The following ADCK5 variants were observed in gnomAD, a reference collection of about 807,000 sequenced individuals.
The protein encoded by ADCK5 is aarF domain containing kinase 5.
ADCK5 carries 43 observed loss-of-function variants against 64.9 expected under a neutral mutation model. The observed-to-expected ratio is 0.66, with a 90% CI of 0.52 to 0.85. The LOEUF (loss-of-function observed/expected upper bound fraction) is 0.85, where lower values mean the gene tolerates loss of function less well. ADCK5 is among the 40% of genes least tolerant of loss of function. ADCK5 has a pLI of 0.00. For missense variants in ADCK5, 760 were observed against 810.5 expected (o/e 0.94, Z 0.76); for synonymous variants, 434 against 342.8 (o/e 1.27, Z -2.94).
intron 2 of ADCK5, among the ~76,000 whole-genome samples, chr8:144,381,465 A>C: frequency 7.7e-6 from 1 of 129,942 alleles, no homozygotes; most frequent in South Asian, 2.6e-4. Context: ...TGCCGCACTC[A>C]GGATTATGGG....
chr8:144,391,339 A>G, intron 6 of ADCK5, 22 bp from the exon 7 acceptor site: 1 of 1,612,652 alleles, frequency 6.2e-7, no homozygotes, highest in Non-Finnish European at 8.5e-7. Context: ...CCAAGTTCTC[A>G]CCACACCCTC....
intron 1 of ADCK5, chr8:144,375,762 T>G (rs1819337651): frequency 1.4e-6 from 1 of 723,846 alleles, no homozygotes; most frequent in Non-Finnish European, 1.7e-6. Flanking sequence ...TAAGAAAGCA[T>G]GAGAGGTTCT....
chr8:144,381,675 G>A (rs1228232218), intron 2 of ADCK5, among the ~76,000 whole-genome samples: 4 of 150,478 alleles, frequency 2.7e-5, no homozygotes, highest in Admixed American at 1.3e-4. Flanking sequence ...GGCACCTCCC[G>A]CAGTCAGAAT....
chr8:144,391,501 G>T, intron 7 of ADCK5, 27 bp downstream of exon 7: 1 of 1,598,534 alleles, frequency 6.3e-7, no homozygotes, highest in Non-Finnish European at 8.5e-7. Context: ...TCCCCGGCCA[G>T]CAGGAGCAAA....
At chr8:144,377,249 TC>T (rs1278330030) in intron 1 of ADCK5, 1 of 152,216 alleles carries the variant, frequency 6.6e-6, no homozygotes, top group Non-Finnish European at 1.5e-5. Context: ...GTGTTTTCTT[TC>T]TTTTTTTTAA....
chr8:144,382,934 C>A, intron 2 of ADCK5, 147 bp from the exon 3 acceptor site: 1 of 1,165,858 alleles, frequency 8.6e-7, no homozygotes, highest in South Asian at 1.5e-5. Context: ...GAAGGGGACG[C>A]TGATGCGGTG....
Position 144,391,648 on chromosome 8 carries a change from G to A in ADCK5, c.867G>A (p.Ala289=), listed in dbSNP as rs144396697. ...AGGGCCGCAACGCAGAGCGCTGTGC[G>A]CGGGAGCTGGCGCACTTCCCCTACG... is the stretch of plus-strand genomic sequence containing the variant. ...ENEGRNAERC[A]RELAHFPYVV... The change falls in exon 8 of 15, where the codon GCG becomes GCA. Residue 289 remains alanine, a synonymous_variant. Coordinates refer to ENST00000308860, the MANE Select transcript of ADCK5 (RefSeq NM_174922.5). 6.5e-6 allele frequency: 10 copies of A among 1,547,886 alleles called. No individual in the cohort carries two copies. Among genetic ancestry groups the A allele is most frequent in the African/African-American group, 2.7e-5 (2 of 73,542 alleles).
chr8:144,393,077 T>C lies in ADCK5; in HGVS notation c.*3T>C. 5 of 1,565,120 alleles carry C rather than the reference T, an allele frequency of 3.2e-6. No individual in the cohort carries two copies. The highest frequency in any genetic ancestry group is 4.3e-6 in the Non-Finnish European group (5 of 1,160,048). ...TCTACCAGTACCTGGAGACCTAGGG[T>C]GCAGCCGCCCAGGGCCGGCGGGGCC... On this transcript the variant is annotated 3_prime_UTR_variant, in exon 15 of 15. Coordinates refer to ENST00000308860, the MANE Select transcript of ADCK5 (RefSeq NM_174922.5).
chr8:144,374,019 C>G (rs1014535148), upstream of ADCK5: 2 of 1,237,168 alleles, frequency 1.6e-6, no homozygotes, highest in South Asian at 8.2e-5. Flanking sequence ...GCGCACTACG[C>G]GCCCTCCCGC....
chr8:144,391,358 C>G lies in ADCK5; in HGVS notation c.685-3C>G. 6.2e-7 allele frequency: 1 copy of G among 1,613,068 alleles called. No homozygotes were observed. Among genetic ancestry groups the G allele is most frequent in the Non-Finnish European group, 8.5e-7 (1 of 1,179,982 alleles). On this transcript the variant is annotated splice_region_variant and splice_polypyrimidine_tract_variant and intron_variant, in intron 6 of 14. Transcript: ENST00000308860. Reference sequence around the variant, plus strand: ...GTTCTCACCACACCCTCGCCCAGTGCAGGTGCAGTACATCGACCTGCGGGA... The same window carrying G: ...GTTCTCACCACACCCTCGCCCAGTGGAGGTGCAGTACATCGACCTGCGGGA...
chr8:144,386,011 TTTTTC>T (rs1819908901), intron 3 of ADCK5, among the ~76,000 whole-genome samples: 1 of 150,178 alleles, frequency 6.7e-6, no homozygotes. Flanking sequence ...CCACCGCCCC[TTTTTC>T]TTTTATTTTT....
In ADCK5 at chr8:144,376,759, G is replaced by A. The variant is rs1269522142; in HGVS notation, c.13-2628G>A. Among the ~76,000 whole-genome samples the A allele has an allele frequency of 2.0e-5, 3 of 152,188 alleles. No individual in the cohort carries two copies. Among genetic ancestry groups the A allele is most frequent in the African/African-American group, 7.2e-5 (3 of 41,432 alleles). On this transcript the variant is annotated intron_variant, in intron 1 of 14. Coordinates refer to ENST00000308860, the MANE Select transcript of ADCK5 (RefSeq NM_174922.5). The surrounding 1 kb of genome is among the most constrained non-coding windows in gnomAD (Gnocchi z 5.1). Reference sequence around the variant, plus strand: ...TCCGTGGGCACGACTGCCTGATCTCGGGGCCTCTAGCCATGCATGCACTGG... The same window carrying A: ...TCCGTGGGCACGACTGCCTGATCTCAGGGCCTCTAGCCATGCATGCACTGG...
chr8:144,385,078 G>T (rs1475359555), intron 3 of ADCK5, among the ~76,000 whole-genome samples: 1 of 152,106 alleles, frequency 6.6e-6, no homozygotes, highest in Non-Finnish European at 1.5e-5. Flanking sequence ...GTCAGAACAG[G>T]CCACAGGTAC....
At chr8:144,379,342 G>A (rs375809099) in intron 1 of ADCK5, 45 bp from the exon 2 acceptor site, 38 of 1,446,706 alleles carry the variant, frequency 2.6e-5, no homozygotes, top group African/African-American at 7.1e-5. Context: ...GGGCAGGGGC[G>A]TGTCCTGGCC....
chr8:144,374,831 G>A (rs1172395646), intron 1 of ADCK5, among the ~76,000 whole-genome samples: 2 of 152,170 alleles, frequency 1.3e-5, no homozygotes, highest in Non-Finnish European at 2.9e-5. Flanking sequence ...GGCTCTCGGC[G>A]TCTCCCCGCT....
Position 144,376,029 on chromosome 8 carries a change from C to T in ADCK5, c.12+1922C>T, listed in dbSNP as rs1554857117. ...GGAGATGCAGCTGCAGGCTCGCCCC[C>T]CAACCCATAACCTCTCTGGGCCTTG... is the stretch of plus-strand genomic sequence containing the variant. On this transcript the variant is annotated intron_variant, in intron 1 of 14. Transcript: ENST00000308860. The surrounding 1 kb of genome is among the most constrained non-coding windows in gnomAD (Gnocchi z 5.1). Among the ~76,000 whole-genome samples, 1 of 152,188 alleles carries T rather than the reference C, an allele frequency of 6.6e-6. No homozygotes were observed. The highest frequency in any genetic ancestry group is 1.9e-4 in the East Asian group (1 of 5,202).
At chr8:144,379,244 T>G in intron 1 of ADCK5, 143 bp from the exon 2 acceptor site, 1 of 528,252 alleles carries the variant, frequency 1.9e-6, no homozygotes, top group Non-Finnish European at 3.3e-6. Flanking sequence ...GGGTAGTTCT[T>G]TAGAGCAGTG....
chr8:144,392,705 G>A lies in ADCK5; in HGVS notation c.1520+8G>A, dbSNP rs2130738259. On this transcript the variant is annotated splice_region_variant and intron_variant, in intron 13 of 14. Transcript: ENST00000308860. ...CTTCCTTATGGCTAAAAGGTCGGTG[G>A]CCCGAGGAGGCGCCCGGGCCGTGGT... The A allele has an allele frequency of 1.3e-6, 2 of 1,591,496 alleles. No individual in the cohort carries two copies. Among genetic ancestry groups the A allele is most frequent in the East Asian group, 2.3e-5 (1 of 44,438 alleles).
In ADCK5 at chr8:144,381,853, G is replaced by A. The variant is rs1819671460; in HGVS notation, c.117-1228G>A. ...GCCCCTGCTGCACTCAGGATTATGGGCCGGGTGTAGAAACAGATGTGTGCT... is the reference window on the plus strand; with the variant it reads ...GCCCCTGCTGCACTCAGGATTATGGACCGGGTGTAGAAACAGATGTGTGCT... On this transcript the variant is annotated intron_variant, in intron 2 of 14. Coordinates refer to ENST00000308860, the MANE Select transcript of ADCK5 (RefSeq NM_174922.5). 4.2e-5 allele frequency among the ~76,000 whole-genome samples: 5 copies of A among 119,266 alleles called. No individual in the cohort carries two copies. In the East Asian group the frequency reaches 1.4e-3, roughly 33 times the overall value. The allele number at this position is 119,266 out of a possible 152,430, so 78.2% of individuals were successfully genotyped here.
Sources: allele counts gnomAD v4.1 joint callset (sites outside exome capture counted in the v4.1 genomes callset), GRCh38; gene constraint gnomAD v4.1.1; non-coding constraint Gnocchi (gnomAD v3.1); transcripts MANE v1.5; gene names NCBI Gene and HGNC (gene_info 2026-07-23, HGNC 2026-07-21).